The following SAMD3 variants were observed in gnomAD, a reference collection of about 807,000 sequenced individuals.
SAMD3 encodes the protein sterile alpha motif domain-containing protein 3.
In SAMD3, 63 loss-of-function variants were observed where a neutral mutation model predicts 58.5. That is an observed-to-expected ratio of 1.08 (90% CI 0.88 to 1.33). The LOEUF (loss-of-function observed/expected upper bound fraction) is 1.33, where lower values mean the gene tolerates loss of function less well. Among genes scored for constraint, SAMD3 ranks in the 40% most tolerant of loss-of-function variants. The pLI, the probability that SAMD3 is intolerant of heterozygous loss-of-function variation, is 0.00. For missense variants in SAMD3, 604 were observed against 608.4 expected (o/e 0.99, Z 0.08); for synonymous variants, 220 against 210.3 (o/e 1.05, Z -0.40).
chr6:130,161,468 G>A (rs1046414704), intron 8 of SAMD3: 12 of 152,074 alleles, frequency 7.9e-5, no homozygotes, highest in South Asian at 2.1e-4. Flanking sequence ...TGAAAATAAA[G>A]TTTCTAGATA....
chr6:130,313,564 G>T (rs552523347), intron 1 of SAMD3, among the ~76,000 whole-genome samples: 14 of 152,278 alleles, frequency 9.2e-5, no homozygotes, highest in African/African-American at 3.4e-4. Context: ...CAATTCAGTT[G>T]GTAGACTCTA....
intron 9 of SAMD3, among the ~76,000 whole-genome samples, chr6:130,148,342 T>G (rs1315587580): frequency 1.3e-5 from 2 of 152,264 alleles, no homozygotes; most frequent in Admixed American, 1.3e-4. Flanking sequence ...ATAGAATTGC[T>G]CGAATTGCCC....
At chr6:130,254,779 G>T (rs1773869221) in intron 2 of SAMD3, among the ~76,000 whole-genome samples, 1 of 152,208 alleles carries the variant, frequency 6.6e-6, no homozygotes, top group Admixed American at 6.5e-5. Flanking sequence ...CATAAAAGGA[G>T]TGTCAAAGTA....
upstream of SAMD3, chr6:130,365,667 G>C: frequency 1.0e-6 from 1 of 985,492 alleles, no homozygotes; most frequent in South Asian, 4.7e-5. Flanking sequence ...CCCACGGGTG[G>C]GTGTGTCCGT....
At chr6:130,230,840 T>G (rs62431203) in intron 2 of SAMD3, among the ~76,000 whole-genome samples, 25,515 of 152,228 alleles carry the variant, frequency 0.17, 2,321 homozygotes, top group East Asian at 0.36. Context: ...TCAACATAAA[T>G]AAATATGGGT....
intron 2 of SAMD3, among the ~76,000 whole-genome samples, chr6:130,269,743 C>T (rs1362361621): frequency 1.3e-5 from 2 of 151,234 alleles, no homozygotes; most frequent in East Asian, 2.0e-4. Context: ...TTATATCCTT[C>T]CTTCTGCTTG....
chr6:130,152,656 G>A (rs977082582), intron 9 of SAMD3, among the ~76,000 whole-genome samples: 12 of 151,964 alleles, frequency 7.9e-5, no homozygotes, highest in African/African-American at 1.9e-4. Flanking sequence ...CAGCCTGGGC[G>A]ACAAAGTAAG....
chr6:130,193,226 C>T (rs1562425414), intron 5 of SAMD3, among the ~76,000 whole-genome samples: 1 of 151,892 alleles, frequency 6.6e-6, no homozygotes, highest in Non-Finnish European at 1.5e-5. Context: ...ATGTCTCTAC[C>T]CCTTCTCCGC....
rs1342351718 is a variant in SAMD3, at chr6:130,214,287, A to T, written c.269+50T>A. 3 of 1,446,802 alleles carry T rather than the reference A, an allele frequency of 2.1e-6. No homozygotes were observed. The Admixed American group carries it at 7.2e-5, about 35-fold the overall frequency. 89.6% of individuals were successfully genotyped at this position (1,446,802 alleles called of 1,614,324 possible). A position where few individuals can be genotyped will look rare whatever the true frequency, so the allele number is the denominator to read the frequency against. On this transcript the variant is annotated intron_variant, in intron 4 of 11. Transcript: ENST00000439090. ...ACCCAAACGTCACGCTCTAGCCATC[A>T]TTGGGAAAGCTTGGGAAAAAAAAAT...
rs9483113 is a variant in SAMD3 at position 130,334,637 on chromosome 6, C to G, written c.-303-21544G>C. ...TATAAAACGGGGATCATTACACTTG[C>G]CTTCCAAGGTTGTTGGGAAGATTTA... On this transcript the variant is annotated intron_variant, in intron 1 of 13. Coordinates refer to the SAMD3 transcript ENST00000368134. 5.0e-3 allele frequency among the ~76,000 whole-genome samples: 761 copies of G among 152,278 alleles called. 6 individuals carry two copies. The highest frequency in any genetic ancestry group is 0.017 in the African/African-American group (718 of 41,562).
intron 8 of SAMD3, among the ~76,000 whole-genome samples, chr6:130,170,514 T>C (rs1042127453): frequency 2.0e-5 from 3 of 152,192 alleles, no homozygotes. Flanking sequence ...GGGAATAGCA[T>C]TGAATCTGTA....
At chr6:130,345,837 T>C (rs1360596944) in intron 1 of SAMD3, among the ~76,000 whole-genome samples, 2 of 152,176 alleles carry the variant, frequency 1.3e-5, no homozygotes, top group Non-Finnish European at 2.9e-5. Context: ...ATTCTCATAA[T>C]TGGAACCAGA....
chr6:130,317,972 A>G (rs774246614), intron 1 of SAMD3, among the ~76,000 whole-genome samples: 1 of 152,258 alleles, frequency 6.6e-6, no homozygotes, highest in Non-Finnish European at 1.5e-5. Context: ...GTAGAATGCC[A>G]GAAAAGAGAG....
chr6:130,195,384 A>G (rs1468008206), intron 5 of SAMD3, among the ~76,000 whole-genome samples: 1 of 152,202 alleles, frequency 6.6e-6, no homozygotes, highest in Non-Finnish European at 1.5e-5. Context: ...CGCCTGCTAC[A>G]GCATGGTGTT....
rs563612108 is a variant in SAMD3 at position 130,165,242 on chromosome 6, T to G, written c.823-10217A>C. On this transcript the variant is annotated intron_variant, in intron 8 of 11. Transcript: ENST00000439090. ...GAAATTTTGAAGAAACTAATAGGAC[T>G]GTTACTTATTTAAAACGCTTAAAGC... Among the ~76,000 whole-genome samples the G allele has an allele frequency of 2.0e-5, 3 of 152,320 alleles. No homozygotes were observed. In the East Asian group the frequency reaches 5.8e-4, roughly 29 times the overall value.
intron 8 of SAMD3, among the ~76,000 whole-genome samples, chr6:130,168,752 T>C (rs1158125161): frequency 6.6e-6 from 1 of 152,168 alleles, no homozygotes; most frequent in East Asian, 1.9e-4. Flanking sequence ...TTTTAAAAGG[T>C]GAGAGTTACC....
chr6:130,239,873 G>A (rs1056633415), intron 2 of SAMD3, among the ~76,000 whole-genome samples: 6 of 152,154 alleles, frequency 3.9e-5, no homozygotes, highest in African/African-American at 7.2e-5. Context: ...TGGGTTGACC[G>A]GAAGACAAGC....
At chr6:130,167,008 C>T (rs190046911) in intron 8 of SAMD3, among the ~76,000 whole-genome samples, 2 of 152,044 alleles carry the variant, frequency 1.3e-5, no homozygotes, top group East Asian at 3.9e-4. Context: ...GGATGTGCAA[C>T]CCAAAGAAAG....
At chr6:130,260,938 G>A (rs909076236) in intron 2 of SAMD3, among the ~76,000 whole-genome samples, 8 of 152,136 alleles carry the variant, frequency 5.3e-5, no homozygotes, top group East Asian at 3.9e-4. Flanking sequence ...GATGACCCAC[G>A]GTGTACCTTT....
Sources: gnomAD v4.1 joint callset for allele counts (sites outside exome capture counted in the v4.1 genomes callset) on GRCh38, gnomAD v4.1.1 for gene constraint, MANE v1.5 for transcripts, NCBI Gene and HGNC (gene_info 2026-07-23, HGNC 2026-07-21) for gene names.